Variants in TCEA2 observed in about 807,000 individuals in gnomAD.
TCEA2 encodes the protein transcription elongation factor A protein 2.
In TCEA2, 21 loss-of-function variants were observed where a neutral mutation model predicts 40.8. The ratio of observed to expected loss-of-function variants is 0.51; its 90% CI spans 0.36 to 0.74. TCEA2 has a LOEUF of 0.74. Among genes scored for constraint, TCEA2 ranks in the 30% least tolerant of loss-of-function variants. TCEA2 has a pLI of 0.00. For missense variants in TCEA2, 326 were observed against 426.5 expected, an observed-to-expected ratio of 0.76 and a Z score of 2.08; for synonymous variants, 165 against 162.7, an observed-to-expected ratio of 1.01 and a Z score of -0.11.
chr20:64,070,633 C>T lies in TCEA2; in HGVS notation c.817C>T (p.Gln273Ter). ...KCRKKNCTYTQVQTRSSDEPM... is the reference protein window; with the variant it reads ...KCRKKNCTYT ...CAGGAAAAAGAACTGCACCTACACA[C>T]AGGTGAGCGGCCGCTGGGCACCCTC... The change falls in exon 8 of 10, where the codon CAG (glutamine) becomes TAG (stop). Residue 273 changes from glutamine (Q) to a stop codon, truncating the protein, a stop_gained and splice_region_variant. Transcript: ENST00000343484. LOFTEE classifies it high-confidence loss of function. 6.3e-7 allele frequency: 1 copy of T among 1,576,704 alleles called. No homozygotes were observed. Among genetic ancestry groups the T allele is most frequent in the Non-Finnish European group, 8.6e-7 (1 of 1,160,128 alleles).
In TCEA2 at chr20:64,063,360, C is replaced by A; in HGVS notation, c.48C>A (p.Asp16Glu). The change falls in exon 1 of 10, where the codon GAC becomes GAA. Residue 16 changes from aspartate to glutamate, a missense_variant. Transcript: ENST00000343484. ...EEIARIARRL[D>E]KMVTKKSAEG... ...TTGCGCGGATCGCCCGGAGGCTGGA[C>A]AAGATGGTGACCAAGAAGAGCGCGG... 6.5e-7 allele frequency: 1 copy of A among 1,549,450 alleles called. No homozygotes were observed. Among genetic ancestry groups the A allele is most frequent in the Non-Finnish European group, 8.7e-7 (1 of 1,147,226 alleles).
Position 64,070,434 on chromosome 20 carries a change from G to T in TCEA2, c.672+20G>T, listed in dbSNP as rs1478410988. 6.2e-7 allele frequency: 1 copy of T among 1,613,838 alleles called. No individual in the cohort carries two copies. The highest frequency in any genetic ancestry group is 1.1e-5 in the South Asian group (1 of 91,088). On this transcript the variant is annotated intron_variant, in intron 7 of 9. Coordinates refer to ENST00000343484, the MANE Select transcript of TCEA2 (RefSeq NM_003195.6). The stretch of plus-strand genomic sequence containing the variant: ...TCAGAGGTGAGCCCCTGTTGGAGGG[G>T]CTGGAGGGCTGCTCCCTCGGAGCGG...
intron 1 of TCEA2, chr20:64,063,712 C>A: frequency 3.0e-6 from 1 of 331,904 alleles, no homozygotes; most frequent in South Asian, 4.5e-5. Flanking sequence ...ACTCCAGACC[C>A]CCAGCCTGGC....
intron 8 of TCEA2, among the ~76,000 whole-genome samples, chr20:64,071,283 G>A (rs541103467): frequency 6.6e-6 from 1 of 152,212 alleles, no homozygotes; most frequent in East Asian, 1.9e-4. Flanking sequence ...GGGAGACAGA[G>A]GTTGCAGTGA....
chr20:64,070,153 C>A, intron 6 of TCEA2, 107 bp from the exon 7 acceptor site: 1 of 1,522,130 alleles, frequency 6.6e-7, no homozygotes, highest in Non-Finnish European at 8.9e-7. Flanking sequence ...CCCTGTGTGG[C>A]TGGGCAGAAC....
At chr20:64,063,097 C>CGCGGGCGCG (rs1209039751), upstream of TCEA2, 431 of 288,562 alleles carry the variant, frequency 1.5e-3, 3 homozygotes, top group African/African-American at 8.6e-3. Flanking sequence ...TGGTCCAGAG[C>CGCGGGCGCG]GCGGGCGCGG....
chr20:64,070,736 T>A, intron 8 of TCEA2, 101 bp downstream of exon 8: 1 of 1,430,622 alleles, frequency 7.0e-7, no homozygotes, highest in Non-Finnish European at 9.2e-7. Context: ...CTGCATGAAT[T>A]TCCCGAGCCT....
Position 64,068,082 on chromosome 20 carries a change from G to A in TCEA2, c.277G>A (p.Gly93Ser), listed in dbSNP as rs982140071. 2.5e-6 allele frequency: 4 copies of A among 1,608,882 alleles called. No homozygotes were observed. The highest frequency in any genetic ancestry group is 3.4e-6 in the Non-Finnish European group (4 of 1,178,096). ...TGCCAAAGCCAGGGAGCGGGGGAGG[G>A]GCATGCCTCTGCCCACGTCCTCGAG... ...SDAKARERGR[G>S]MPLPTSSRDA... The change falls in exon 4 of 10, where the codon GGC (glycine) becomes AGC (serine). Residue 93 changes from glycine to serine, a missense_variant. Physicochemically the swap from Gly to Ser is moderately conservative, Grantham distance 56. Coordinates refer to ENST00000343484, the MANE Select transcript of TCEA2 (RefSeq NM_003195.6).
intron 1 of TCEA2, chr20:64,065,615 C>T (rs940972352): frequency 2.0e-5 from 3 of 152,106 alleles, no homozygotes; most frequent in Admixed American, 2.0e-4. Flanking sequence ...GGTGGCGGCT[C>T]AGCGCCCTTG....
chr20:64,070,765 T>G, intron 8 of TCEA2, 130 bp downstream of exon 8: 2 of 1,311,236 alleles, frequency 1.5e-6, no homozygotes, highest in Non-Finnish European at 2.0e-6. Context: ...CTGAGTAGGC[T>G]AAGGCATGAT....
At chr20:64,058,820 G>T (rs1177769839), upstream of TCEA2, among the ~76,000 whole-genome samples, 1 of 152,142 alleles carries the variant, frequency 6.6e-6, no homozygotes, top group African/African-American at 2.4e-5. This position sits in a 1 kb window ranked among gnomAD's most constrained non-coding sequence, Gnocchi z 6.7. Context: ...GTCAGCCACG[G>T]GCCCAGCTGA....
At chr20:64,058,759 G>A (rs1437782043), upstream of TCEA2, among the ~76,000 whole-genome samples, 1 of 152,234 alleles carries the variant, frequency 6.6e-6, no homozygotes. This position sits in a 1 kb window ranked among gnomAD's most constrained non-coding sequence, Gnocchi z 6.7. Context: ...AGCCTCTGCA[G>A]TCCCAGCAGC....
intron 6 of TCEA2, 181 bp from the exon 7 acceptor site, chr20:64,070,079 G>A (rs1214502672): frequency 2.0e-6 from 2 of 988,700 alleles, no homozygotes; most frequent in Non-Finnish European, 3.0e-6. Context: ...TCAGGAATGG[G>A]CCTGGGGCAG....
At chr20:64,060,448 G>A (rs2059540133), upstream of TCEA2, among the ~76,000 whole-genome samples, 1 of 152,216 alleles carries the variant, frequency 6.6e-6, no homozygotes, top group Admixed American at 6.5e-5. Flanking sequence ...CTGCACAAGG[G>A]CAGTTCCAGT....
intron 9 of TCEA2, 114 bp downstream of exon 9, chr20:64,072,055 C>T: frequency 6.3e-7 from 1 of 1,595,402 alleles, no homozygotes; most frequent in Non-Finnish European, 8.6e-7. Flanking sequence ...AACCAGCCTC[C>T]TGGGAGTCTT....
In TCEA2 at chr20:64,070,532, C is replaced by T; in HGVS notation, c.716C>T (p.Thr239Ile). 1.2e-6 allele frequency: 2 copies of T among 1,613,848 alleles called. No individual in the cohort carries two copies. The highest frequency in any genetic ancestry group is 1.7e-6 in the Non-Finnish European group (2 of 1,180,022). The change falls in exon 8 of 10, where the codon ACC becomes ATC. Residue 239 changes from threonine to isoleucine, a missense_variant. Transcript: ENST00000343484. ...CTGAAGGAGATCCGTAAGGCCATGA[C>T]CAAGGAGGCCATCCGAGAGCACCAG... Reference protein sequence around the residue: ...DELKEIRKAMTKEAIREHQMA... With the variant: ...DELKEIRKAMIKEAIREHQMA...
chr20:64,069,432 C>T lies in TCEA2; in HGVS notation c.401C>T (p.Thr134Ile), dbSNP rs2059773547. The T allele has an allele frequency of 6.2e-7, 1 of 1,613,434 alleles. No homozygotes were observed. Residue 134 changes from threonine to isoleucine, a missense_variant, in exon 5 of 10, where the codon ACC becomes ATC. Thr to Ile is a moderately conservative substitution (Grantham distance 89, BLOSUM62 -1). Coordinates refer to ENST00000343484, the MANE Select transcript of TCEA2 (RefSeq NM_003195.6). ...RITTFPPVPV[T>I]CDAVRNKCRE... Reference sequence around the variant, plus strand: ...ACCACATTTCCTCCGGTGCCTGTCACCTGTGATGCCGTGCGCAACAAGTGC... The same window carrying T: ...ACCACATTTCCTCCGGTGCCTGTCATCTGTGATGCCGTGCGCAACAAGTGC...
At position 64,071,861 on chromosome 20, in the gene TCEA2, T is replaced by C. The variant is rs1325236385; in HGVS notation, c.820-9T>C. 1.9e-6 allele frequency: 3 copies of C among 1,613,852 alleles called. No homozygotes were observed. The highest frequency in any genetic ancestry group is 1.3e-5 in the African/African-American group (1 of 74,952). On this transcript the variant is annotated splice_polypyrimidine_tract_variant and intron_variant, in intron 8 of 9. Coordinates refer to ENST00000343484, the MANE Select transcript of TCEA2 (RefSeq NM_003195.6). ...AGGTGACCCTGGGTTCACCCAGCCCTGTTCACAGGTGCAGACCCGCAGCTC... is the reference window on the plus strand; with the variant it reads ...AGGTGACCCTGGGTTCACCCAGCCCCGTTCACAGGTGCAGACCCGCAGCTC...
intron 1 of TCEA2, chr20:64,065,629 A>G (rs2145474750): frequency 6.6e-6 from 1 of 152,068 alleles, no homozygotes; most frequent in African/African-American, 2.4e-5. Flanking sequence ...GCCCTTGGGG[A>G]GCACTGAGTT....
Sources: gnomAD v4.1 joint callset for allele counts (sites outside exome capture counted in the v4.1 genomes callset) on GRCh38, gnomAD v4.1.1 for gene constraint, Gnocchi (gnomAD v3.1) non-coding constraint, MANE v1.5 for transcripts, NCBI Gene and HGNC (gene_info 2026-07-23, HGNC 2026-07-21) for gene names.